ASTN2: variants seen among roughly 807,000 people sequenced by gnomAD.
ASTN2 encodes the protein astrotactin 2, also known as astrotactin-2.
ASTN2 carries 54 observed loss-of-function variants against 139.8 expected under a neutral mutation model. The observed-to-expected ratio is 0.39, with a 90% CI of 0.31 to 0.48. ASTN2 has a LOEUF of 0.48. Among genes scored for constraint, ASTN2 ranks in the 20% least tolerant of loss-of-function variants. The pLI is 0.95. For synonymous variants in ASTN2, 756 were observed against 719.5 expected (o/e 1.05, Z -0.81); for missense variants, 1,565 against 1,725.1 (o/e 0.91, Z 1.64).
chr9:117,096,198 G>A, intron 4 of ASTN2, 47 bp from the exon 5 acceptor site: 2 of 1,501,150 alleles, frequency 1.3e-6, no homozygotes, highest in South Asian at 2.3e-5. Context: ...GCCTCCAGAA[G>A]TTTGTGAGAT....
At chr9:116,787,095 G>T (rs1392217174) in intron 13 of ASTN2, among the ~76,000 whole-genome samples, 1 of 152,144 alleles carries the variant, frequency 6.6e-6, no homozygotes, top group Admixed American at 6.5e-5. Flanking sequence ...AAAATACCCA[G>T]TCTTGGGTAT....
At chr9:117,077,622 C>T (rs887687827) in intron 5 of ASTN2, among the ~76,000 whole-genome samples, 5 of 152,136 alleles carry the variant, frequency 3.3e-5, no homozygotes, top group Non-Finnish European at 7.4e-5. Flanking sequence ...GTGGCAAGCA[C>T]CTGTAATTCC....
intron 2 of ASTN2, among the ~76,000 whole-genome samples, chr9:117,242,985 G>A (rs567105386): frequency 6.2e-4 from 94 of 152,248 alleles, no homozygotes; most frequent in Non-Finnish European, 1.1e-3. Flanking sequence ...CATCGCCATC[G>A]TCATCATCAT....
At chr9:117,332,314 T>C (rs1828737177) in intron 1 of ASTN2, among the ~76,000 whole-genome samples, 1 of 152,222 alleles carries the variant, frequency 6.6e-6, no homozygotes, top group African/African-American at 2.4e-5. Context: ...CTCATGCCTG[T>C]AATCCCAGCA....
intron 11 of ASTN2, among the ~76,000 whole-genome samples, chr9:116,855,737 C>A (rs1832722814): frequency 6.6e-6 from 1 of 152,064 alleles, no homozygotes. Flanking sequence ...CTTTACCTGG[C>A]TGGTTGGATT....
chr9:116,803,505 TATATATATATATATA>T (rs1271416377), intron 13 of ASTN2, among the ~76,000 whole-genome samples: 16 of 7,064 alleles, frequency 2.3e-3, no homozygotes, highest in Admixed American at 4.8e-3. Flanking sequence ...TATATATATA[TATATATATATATATA>T]TATTTTTTTT....
At chr9:116,896,609 G>A (rs922396224) in intron 10 of ASTN2, among the ~76,000 whole-genome samples, 3 of 152,142 alleles carry the variant, frequency 2.0e-5, no homozygotes, top group African/African-American at 7.2e-5. Context: ...ATGAGCTGCC[G>A]TGCCCCTCCT....
intron 11 of ASTN2, among the ~76,000 whole-genome samples, chr9:116,827,939 C>T (rs1010307711): frequency 7.1e-6 from 1 of 140,912 alleles, no homozygotes; most frequent in Non-Finnish European, 1.6e-5. Context: ...ATAACAACAA[C>T]GAAAAAGAAA....
At chr9:117,088,819 G>A (rs1042413330) in intron 5 of ASTN2, among the ~76,000 whole-genome samples, 1 of 152,166 alleles carries the variant, frequency 6.6e-6, no homozygotes. Context: ...TCCAGAGAGG[G>A]AGACAGATGC....
chr9:117,204,116 C>T (rs1001632332), intron 3 of ASTN2, among the ~76,000 whole-genome samples: 41 of 152,214 alleles, frequency 2.7e-4, no homozygotes, highest in African/African-American at 9.6e-4. Context: ...AGGGTTACAC[C>T]TGAACAGGCA....
intron 19 of ASTN2, among the ~76,000 whole-genome samples, chr9:116,608,290 T>C (rs1441086345): frequency 6.6e-6 from 1 of 152,180 alleles, no homozygotes; most frequent in African/African-American, 2.4e-5. Context: ...TTGATGTATG[T>C]ACATGAGAAA....
chr9:116,761,209 A>G (rs531444179), intron 13 of ASTN2, among the ~76,000 whole-genome samples: 22 of 152,338 alleles, frequency 1.4e-4, no homozygotes, highest in Middle Eastern at 3.4e-3. Context: ...ACATTTGCTG[A>G]TTGCTATTGT....
intron 19 of ASTN2, among the ~76,000 whole-genome samples, chr9:116,603,780 T>C (rs1193809211): frequency 1.3e-5 from 2 of 152,114 alleles, no homozygotes; most frequent in Non-Finnish European, 2.9e-5. Flanking sequence ...AAGAGAGAAA[T>C]ACAGATTTTC....
At chr9:116,435,454 C>A (rs905900387) in intron 22 of ASTN2, among the ~76,000 whole-genome samples, 5 of 152,228 alleles carry the variant, frequency 3.3e-5, no homozygotes, top group Non-Finnish European at 5.9e-5. Flanking sequence ...CAAGAACCAT[C>A]ATGATCTGTC....
At chr9:116,497,140 G>T (rs544641651) in intron 19 of ASTN2, among the ~76,000 whole-genome samples, 1 of 152,288 alleles carries the variant, frequency 6.6e-6, no homozygotes, top group East Asian at 1.9e-4. Flanking sequence ...GAGGTCACTG[G>T]CAGCACAAAG....
intron 7 of ASTN2, among the ~76,000 whole-genome samples, chr9:116,998,810 T>G (rs1837098261): frequency 6.6e-6 from 1 of 152,188 alleles, no homozygotes; most frequent in African/African-American, 2.4e-5. Flanking sequence ...TCAATATATA[T>G]GCTCTACCAC....
chr9:116,746,742 G>T (rs900334329), intron 13 of ASTN2, among the ~76,000 whole-genome samples: 4 of 151,914 alleles, frequency 2.6e-5, no homozygotes, highest in Non-Finnish European at 4.4e-5. Context: ...CTTTGTGTTT[G>T]TGCAGCCCCT....
chr9:117,187,255 G>A (rs1831224612), intron 3 of ASTN2, among the ~76,000 whole-genome samples: 1 of 152,140 alleles, frequency 6.6e-6, no homozygotes, highest in South Asian at 2.1e-4. Context: ...GCCTTAGGGT[G>A]CTATATGAAG....
intron 6 of ASTN2, among the ~76,000 whole-genome samples, chr9:117,036,308 T>C (rs1238464848): frequency 6.6e-6 from 1 of 152,206 alleles, no homozygotes; most frequent in African/African-American, 2.4e-5. Flanking sequence ...CCCAATGCTG[T>C]CTTCTAAGCT....
Sources: gnomAD v4.1 joint callset for allele counts (sites outside exome capture counted in the v4.1 genomes callset) on GRCh38, gnomAD v4.1.1 for gene constraint, MANE v1.5 for transcripts, NCBI Gene and HGNC (gene_info 2026-07-23, HGNC 2026-07-21) for gene names.